BTN2A1: variants seen among roughly 807,000 people sequenced by gnomAD.
The protein encoded by BTN2A1 is butyrophilin, subfamily 2, member A1.
A neutral mutation model predicts 34.5 loss-of-function variants in BTN2A1; 41 were observed. The ratio of observed to expected loss-of-function variants is 1.19; its 90% confidence interval spans 0.93 to 1.54. The LOEUF (loss-of-function observed/expected upper bound fraction) is 1.54. BTN2A1 is among the 40% of genes most tolerant of loss of function. The pLI is 0.00. For synonymous variants in BTN2A1, 267 were observed against 258.6 expected, an observed-to-expected ratio of 1.03 and a Z score of -0.31; for missense variants, 642 against 662.0, an observed-to-expected ratio of 0.97 and a Z score of 0.33.
At chr6:26,462,950 A>T in intron 3 of BTN2A1, 1 of 1,260,220 alleles carries the variant, frequency 7.9e-7, no homozygotes, top group Non-Finnish European at 1.0e-6. Context: ...TGGCAGACAG[A>T]TAGATGCTTG....
intron 3 of BTN2A1, among the ~76,000 whole-genome samples, chr6:26,461,226 T>A (rs1015315242): frequency 6.6e-6 from 1 of 152,256 alleles, no homozygotes; most frequent in Admixed American, 6.5e-5. Context: ...TCTGCCATTC[T>A]TTGCCTATAA....
intron 7 of BTN2A1, 63 bp downstream of exon 7, chr6:26,466,151 C>T (rs1028921685): frequency 6.8e-6 from 11 of 1,612,008 alleles, no homozygotes; most frequent in African/African-American, 2.7e-5. Flanking sequence ...TAACAGGACT[C>T]CTTAGAGGAG....
chr6:26,476,579 G>A, exon 8 of BTN2A1: 1 of 279,504 alleles, frequency 3.6e-6, no homozygotes, highest in South Asian at 3.9e-5. Context: ...ACAAGCCACT[G>A]GGCACTCATA....
chr6:26,475,789 G>A (rs916576872), intron 7 of BTN2A1, among the ~76,000 whole-genome samples: 4 of 152,034 alleles, frequency 2.6e-5, no homozygotes, highest in African/African-American at 9.7e-5. Flanking sequence ...AAAGAAAAAT[G>A]TACTGGATTG....
At chr6:26,463,694 C>CA (rs1339598787) in intron 4 of BTN2A1, among the ~76,000 whole-genome samples, 169 bp downstream of exon 4, 1 of 152,054 alleles carries the variant, frequency 6.6e-6, no homozygotes, top group African/African-American at 2.4e-5. Flanking sequence ...AAAGGAGAAT[C>CA]AAAGTGTCCC....
chr6:26,473,348 C>T (rs549061466), downstream of BTN2A1, among the ~76,000 whole-genome samples: 2 of 152,190 alleles, frequency 1.3e-5, no homozygotes, highest in South Asian at 4.1e-4. Flanking sequence ...CAGTATGGCA[C>T]AAATAAGGAG....
intron 3 of BTN2A1, chr6:26,462,910 G>C (rs1013895895): frequency 7.8e-7 from 1 of 1,276,630 alleles, no homozygotes; most frequent in African/African-American, 1.5e-5. Flanking sequence ...GAGAAAATTA[G>C]TCTGGCAGGA....
chr6:26,462,618 G>A (rs1490392636), intron 3 of BTN2A1, among the ~76,000 whole-genome samples: 2 of 152,224 alleles, frequency 1.3e-5, no homozygotes, highest in Non-Finnish European at 2.9e-5. Flanking sequence ...TAGGATTAGA[G>A]TTGGATTTGC....
intron 3 of BTN2A1, among the ~76,000 whole-genome samples, chr6:26,460,956 C>T (rs959621330): frequency 8.6e-5 from 13 of 152,032 alleles, no homozygotes; most frequent in South Asian, 4.1e-4. Flanking sequence ...ACTGAAAAAG[C>T]CTTTAAGGTG....
chr6:26,461,789 AAATC>A (rs144333394), intron 3 of BTN2A1, among the ~76,000 whole-genome samples: 131,397 of 151,088 alleles, frequency 0.87, 57,283 homozygotes, highest in East Asian at 0.93. Flanking sequence ...TCTAAAAAAT[AAATC>A]AATAAATAAA....
At chr6:26,460,312 A>G (rs1763132939) in intron 3 of BTN2A1, among the ~76,000 whole-genome samples, 1 of 152,202 alleles carries the variant, frequency 6.6e-6, no homozygotes. Context: ...TTACCCAGAG[A>G]ACTACAACAT....
At position 26,465,867 on chromosome 6, in the gene BTN2A1, A is replaced by G. The variant is rs1301673344; in HGVS notation, c.935-86A>G. On this transcript the variant is annotated intron_variant, in intron 5 of 7. Transcript: ENST00000312541. ...GAAGGGAGATGTTGCTGTTCATAGA[A>G]AGGACGGTTCCTGCATTGTTTACTA... 12 of 1,598,874 alleles carry G rather than the reference A, an allele frequency of 7.5e-6. No individual in the cohort carries two copies. The Admixed American group carries it at 8.7e-5, about 12-fold the overall frequency.
chr6:26,462,719 G>T (rs888905634), intron 3 of BTN2A1: 16 of 984,356 alleles, frequency 1.6e-5, no homozygotes, highest in South Asian at 1.2e-4. Context: ...AGACAGAAGG[G>T]TCAATGTCTT....
At chr6:26,473,865 A>G (rs1763491830), downstream of BTN2A1, among the ~76,000 whole-genome samples, 1 of 146,728 alleles carries the variant, frequency 6.8e-6, no homozygotes, top group Non-Finnish European at 1.5e-5. Context: ...ACAATTCAAT[A>G]TCGTTTCAGT....
intron 3 of BTN2A1, among the ~76,000 whole-genome samples, chr6:26,462,179 C>T (rs1394535139): frequency 7.2e-5 from 11 of 152,270 alleles, no homozygotes; most frequent in African/African-American, 1.7e-4. Context: ...CCCAGGACCA[C>T]GCTTTTGCAG....
chr6:26,476,215 GAC>G (rs1763536223), exon 8 of BTN2A1: 1 of 1,508,222 alleles, frequency 6.6e-7, no homozygotes. Flanking sequence ...CTGGAGAGAA[GAC>G]ACAGCAGGAT....
Position 26,465,230 on chromosome 6 carries a change from T to TG in BTN2A1, c.758_759insG (p.Ile253MetfsTer34), listed in dbSNP as rs759117959. 3.7e-6 allele frequency: 6 copies of TG among 1,614,214 alleles called. No individual in the cohort carries two copies. In the Admixed American group the frequency reaches 1.0e-4, roughly 27 times the overall value. On this transcript the variant is annotated frameshift_variant, in exon 5 of 8. Coordinates refer to ENST00000312541, the MANE Select transcript of BTN2A1 (RefSeq NM_007049.5). LOFTEE classifies it high-confidence loss of function. The stretch of plus-strand genomic sequence containing the variant: ...TCTCCCTGTGCAGTGGCCCTGCCTA[T>TG]CATTGTGGTTATTCTGATGATACCC...
chr6:26,461,239 CTG>C (rs1487394486), intron 3 of BTN2A1, among the ~76,000 whole-genome samples: 1 of 152,236 alleles, frequency 6.6e-6, no homozygotes, highest in East Asian at 1.9e-4. Context: ...GCCTATAAAA[CTG>C]ACAGTGGCCT....
At position 26,458,605 on chromosome 6, in the gene BTN2A1, A is replaced by G. The variant is rs1225937036; in HGVS notation, c.-30-2A>G. ...TAGGCTGATTCTCCTCTGTAACCCT[A>G]GGCCTCCTGTCCCTGCCTGCTCTGG... On this transcript the variant is annotated splice_acceptor_variant, in intron 1 of 7. Coordinates refer to ENST00000312541, the MANE Select transcript of BTN2A1 (RefSeq NM_007049.5). LOFTEE classifies it low-confidence loss of function (5UTR_SPLICE). 2.5e-6 allele frequency: 4 copies of G among 1,612,280 alleles called. No homozygotes were observed. In the South Asian group the frequency reaches 3.3e-5, roughly 13 times the overall value.
Sources: gnomAD v4.1 joint callset for allele counts (sites outside exome capture counted in the v4.1 genomes callset) on GRCh38, gnomAD v4.1.1 for gene constraint, MANE v1.5 for transcripts, NCBI Gene and HGNC (gene_info 2026-07-23, HGNC 2026-07-21) for gene names.